The following DCAF13 variants were observed in gnomAD, a reference collection of about 807,000 sequenced individuals.
The protein encoded by DCAF13 is DDB1 and CUL4 associated factor 13, also known as DDB1- and CUL4-associated factor 13.
Under a neutral mutation model 59.0 loss-of-function variants are expected in DCAF13, and 38 were observed. That is an observed-to-expected ratio of 0.64 (90% CI 0.50 to 0.84). DCAF13 has a LOEUF of 0.84. Among genes scored for constraint, DCAF13 ranks in the 40% least tolerant of loss-of-function variants. The pLI is 0.00. For missense variants in DCAF13, 469 were observed against 558.4 expected, an observed-to-expected ratio of 0.84 and a Z score of 1.61; for synonymous variants, 173 against 175.0, an observed-to-expected ratio of 0.99 and a Z score of 0.09.
At position 103,420,878 on chromosome 8, in the gene DCAF13, G is replaced by T; in HGVS notation, c.271-97G>T. Reference sequence around the variant, plus strand: ...AATCCAAAGGATTTTGGTTTTAGCTGCCCAGTAGAGTGATTCGTAGCCTTG... The same window carrying T: ...AATCCAAAGGATTTTGGTTTTAGCTTCCCAGTAGAGTGATTCGTAGCCTTG... On this transcript the variant is annotated intron_variant, in intron 2 of 10. Transcript: ENST00000612750. 4.5e-6 allele frequency: 4 copies of T among 898,742 alleles called. 1 individual carries two copies. Among genetic ancestry groups the T allele is most frequent in the East Asian group, 2.5e-5 (1 of 40,074 alleles). The allele number at this position is 898,742 out of a possible 1,614,324, so 55.7% of individuals were successfully genotyped here. A position where few individuals can be genotyped will look rare whatever the true frequency, so the allele number is the denominator to read the frequency against.
In DCAF13 at chr8:103,426,088, A is replaced by G. The variant is rs761225553; in HGVS notation, c.411A>G (p.Lys137=). Residue 137 remains lysine, a synonymous_variant, in exon 4 of 11, where the codon AAA becomes AAG. Coordinates refer to ENST00000612750, the MANE Select transcript of DCAF13 (RefSeq NM_015420.7). ...ATGACAAAACTGTGAAGCAGTGGAA[A>G]ATGGATGGGCCAGGCTATGGAGACG... ...VGDDKTVKQW[K]MDGPGYGDEE... The G allele has an allele frequency of 1.2e-6, 2 of 1,613,052 alleles. No homozygotes were observed. Among genetic ancestry groups the G allele is most frequent in the Non-Finnish European group, 1.7e-6 (2 of 1,179,450 alleles).
chr8:103,430,360 C>A (rs1383630599), intron 5 of DCAF13: 1 of 232,052 alleles, frequency 4.3e-6, no homozygotes, highest in East Asian at 1.0e-4. Context: ...CCACTGCACT[C>A]CAGCCTGGGT....
chr8:103,421,942 A>T (rs1816727915), intron 3 of DCAF13, among the ~76,000 whole-genome samples: 1 of 152,250 alleles, frequency 6.6e-6, no homozygotes, highest in Admixed American at 6.5e-5. Context: ...TACAAATACC[A>T]ATTCAAGTTC....
chr8:103,426,028 A>G (rs746894856), intron 3 of DCAF13, 28 bp from the exon 4 acceptor site: 1 of 1,502,798 alleles, frequency 6.7e-7, no homozygotes, highest in Non-Finnish European at 9.3e-7. Flanking sequence ...GTTCCTTACC[A>G]TCATCATAAT....
chr8:103,441,238 G>T (rs576161899), intron 9 of DCAF13: 1 of 441,620 alleles, frequency 2.3e-6, no homozygotes, highest in Non-Finnish European at 4.0e-6. Context: ...CTACTGGGTG[G>T]CATCTATCTA....
intron 7 of DCAF13, among the ~76,000 whole-genome samples, chr8:103,434,209 C>T (rs773354710): frequency 6.6e-6 from 1 of 152,000 alleles, no homozygotes; most frequent in South Asian, 2.1e-4. Flanking sequence ...CAAGTCTAGG[C>T]CGACCAGTAA....
intron 5 of DCAF13, 159 bp downstream of exon 5, chr8:103,427,411 C>A: frequency 1.6e-6 from 1 of 642,196 alleles, no homozygotes; most frequent in Non-Finnish European, 2.7e-6. Context: ...TACCTTTGCT[C>A]AAATCCCAAC....
At chr8:103,426,470 T>C (rs1189992203) in intron 4 of DCAF13, among the ~76,000 whole-genome samples, 1 of 152,066 alleles carries the variant, frequency 6.6e-6, no homozygotes, top group African/African-American at 2.4e-5. Context: ...CTTGTCTAGT[T>C]GATGTCATCA....
At chr8:103,439,695 G>A (rs1422112004) in intron 8 of DCAF13, 1 of 152,172 alleles carries the variant, frequency 6.6e-6, no homozygotes, top group Non-Finnish European at 1.5e-5. Context: ...GAAGACCATT[G>A]CATTTCTTTC....
intron 9 of DCAF13, 29 bp from the exon 10 acceptor site, chr8:103,441,426 C>A: frequency 1.3e-6 from 2 of 1,567,944 alleles, no homozygotes; most frequent in South Asian, 2.4e-5. Flanking sequence ...ACACACTATT[C>A]ATTAAGATAC....
At chr8:103,442,239 AAAAAT>A (rs1281925500) in intron 10 of DCAF13, 1 of 152,306 alleles carries the variant, frequency 6.6e-6, no homozygotes, top group Non-Finnish European at 1.5e-5. Context: ...AAATGTTTTA[AAAAAT>A]AATTTCTGAT....
chr8:103,421,272 A>G (rs1199253262), intron 3 of DCAF13, 190 bp downstream of exon 3: 6 of 675,128 alleles, frequency 8.9e-6, no homozygotes, highest in Middle Eastern at 2.4e-4. Flanking sequence ...ATAACTTAAC[A>G]TGATTAAACT....
chr8:103,422,446 C>A (rs1160216689), intron 3 of DCAF13, among the ~76,000 whole-genome samples: 1 of 152,080 alleles, frequency 6.6e-6, no homozygotes, highest in Admixed American at 6.5e-5. Flanking sequence ...GGGGAATGCC[C>A]ACCTCTGGGA....
At chr8:103,436,352 A>G (rs1816934177) in intron 8 of DCAF13, among the ~76,000 whole-genome samples, 2 of 152,162 alleles carry the variant, frequency 1.3e-5, no homozygotes, top group Non-Finnish European at 1.5e-5. Context: ...GTAAGTTTAA[A>G]TTGTCAAGAC....
At chr8:103,434,097 G>T (rs1460082222) in intron 7 of DCAF13, among the ~76,000 whole-genome samples, 1 of 151,978 alleles carries the variant, frequency 6.6e-6, no homozygotes, top group Admixed American at 6.6e-5. Flanking sequence ...ATTGCTCTTT[G>T]AAAATGATCT....
At chr8:103,421,703 C>A (rs1427307316) in intron 3 of DCAF13, among the ~76,000 whole-genome samples, 2 of 152,116 alleles carry the variant, frequency 1.3e-5, no homozygotes, top group Non-Finnish European at 2.9e-5. Flanking sequence ...AGAATTATAC[C>A]ATTTTGTGTA....
chr8:103,430,333 A>G (rs1288188470), intron 5 of DCAF13: 2 of 188,690 alleles, frequency 1.1e-5, no homozygotes, highest in Non-Finnish European at 2.2e-5. Context: ...TAGAGGTTGC[A>G]GTGAGCCAAG....
chr8:103,423,511 T>C (rs987957278), intron 3 of DCAF13, among the ~76,000 whole-genome samples: 2 of 151,960 alleles, frequency 1.3e-5, no homozygotes, highest in African/African-American at 4.8e-5. Flanking sequence ...AGAAATGGAG[T>C]AAAATGGTCA....
intron 1 of DCAF13, among the ~76,000 whole-genome samples, chr8:103,416,866 G>C (rs1402114022): frequency 6.6e-6 from 1 of 152,160 alleles, no homozygotes; most frequent in East Asian, 1.9e-4. Context: ...GATCTATCTT[G>C]TTGGGGTTTT....
Sources: allele counts gnomAD v4.1 joint callset (sites outside exome capture counted in the v4.1 genomes callset), GRCh38; gene constraint gnomAD v4.1.1; transcripts MANE v1.5; gene names NCBI Gene and HGNC (gene_info 2026-07-23, HGNC 2026-07-21).